STAB1: variants seen among roughly 807,000 people sequenced by gnomAD.
STAB1 encodes stabilin-1.
A neutral mutation model predicts 332.4 loss-of-function variants in STAB1; 250 were observed. That is an observed-to-expected ratio of 0.75 (90% CI 0.68 to 0.84). The LOEUF is 0.84. Ranked by LOEUF, STAB1 falls within the 40% of genes least tolerant of loss-of-function variation. The pLI is 0.00. For synonymous variants in STAB1, 1,475 were observed against 1,390.4 expected, an observed-to-expected ratio of 1.06 and a Z score of -1.35; for missense variants, 3,249 against 3,489.7, an observed-to-expected ratio of 0.93 and a Z score of 1.74.
rs1360948041 is a variant in STAB1, at chr3:52,504,993, G to A, written c.1378-10G>A. 1.2e-6 allele frequency: 2 copies of A among 1,613,678 alleles called. No homozygotes were observed. The highest frequency in any genetic ancestry group is 1.7e-6 in the Non-Finnish European group (2 of 1,179,922). On this transcript the variant is annotated splice_polypyrimidine_tract_variant and intron_variant, in intron 12 of 68. Coordinates refer to ENST00000321725, the MANE Select transcript of STAB1 (RefSeq NM_015136.3). Reference sequence around the variant, plus strand: ...TATGGGATCTGGCCAGACCTCTTGTGTCTCACCAGAAATACTCCTACAAGT... The same window carrying A: ...TATGGGATCTGGCCAGACCTCTTGTATCTCACCAGAAATACTCCTACAAGT...
Position 52,519,302 on chromosome 3 carries a change from C to T in STAB1, c.5073C>T (p.Ser1691=), listed in dbSNP as rs2078991234. 1 of 1,613,036 alleles carries T rather than the reference C, an allele frequency of 6.2e-7. No homozygotes were observed. The highest frequency in any genetic ancestry group is 8.5e-7 in the Non-Finnish European group (1 of 1,179,988). The part of the protein sequence containing the change: ...IYLNDFARVV[S]SDHEAVNGIL... ...TCAATGACTTCGCGCGCGTGGTGAG[C>T]AGCGACCATGAGGCCGTGAACGGCA... The change falls in exon 49 of 69, where the codon AGC becomes AGT. Residue 1691 remains serine, a synonymous_variant. Transcript: ENST00000321725.
rs1419185729 is a variant in STAB1, at chr3:52,501,146, C to T, written c.79-20C>T. On this transcript the variant is annotated intron_variant, in intron 1 of 68. Transcript: ENST00000321725. ...GGCGTGGGGTCCAGGCCCCTGACCACACCCTGCCTGTGGCCCCAGGTGCTG... is the reference window on the plus strand; with the variant it reads ...GGCGTGGGGTCCAGGCCCCTGACCATACCCTGCCTGTGGCCCCAGGTGCTG... The T allele has an allele frequency of 6.2e-7, 1 of 1,609,650 alleles. No individual in the cohort carries two copies. The highest frequency in any genetic ancestry group is 1.1e-5 in the South Asian group (1 of 90,954).
rs765108201 is a variant in STAB1 at position 52,523,260 on chromosome 3, C to CGACTTCCTG, written c.7071_7079dup (p.Phe2358_Asp2360dup). The CGACTTCCTG allele has an allele frequency of 1.2e-6, 2 of 1,613,336 alleles. No individual in the cohort carries two copies. The highest frequency in any genetic ancestry group is 2.2e-5 in the East Asian group (1 of 44,888). On this transcript the variant is annotated inframe_insertion, in exon 64 of 69. Coordinates refer to ENST00000321725, the MANE Select transcript of STAB1 (RefSeq NM_015136.3). ...ATGCCAATGCCACCCAGCGGGGTCT[C>CGACTTCCTG]GACTTCCTGGACTTCCTGGATGATG...
At chr3:52,518,901 T>TCCCGCCCCGCCCCGC (rs759365791) in intron 48 of STAB1, 32 bp downstream of exon 48, 147 of 1,018,790 alleles carry the variant, frequency 1.4e-4, no homozygotes, top group Admixed American at 5.0e-4. Flanking sequence ...CCCCGCTCCA[T>TCCCGCCCCGCCCCGC]CCCGCCCCGC....
intron 14 of STAB1, 40 bp downstream of exon 14, chr3:52,505,421 G>C: frequency 6.3e-7 from 1 of 1,589,576 alleles, no homozygotes; most frequent in Non-Finnish European, 8.6e-7. Flanking sequence ...GTGGGCTTCT[G>C]GGCTTCTGAG....
rs989930899 is a variant in STAB1 at position 52,523,632 on chromosome 3, T to C, written c.7291-20T>C. On this transcript the variant is annotated intron_variant, in intron 65 of 68. Coordinates refer to ENST00000321725, the MANE Select transcript of STAB1 (RefSeq NM_015136.3). The stretch of plus-strand genomic sequence containing the variant: ...CCCTGGCCCTCGCTCACAGTGGGCC[T>C]GACTCTGGTCTCCCTGCAGGCCCCA... 6.2e-7 allele frequency: 1 copy of C among 1,612,776 alleles called. No individual in the cohort carries two copies. The highest frequency in any genetic ancestry group is 1.3e-5 in the African/African-American group (1 of 74,938).
Position 52,504,482 on chromosome 3 carries a change from T to C in STAB1, c.1172T>C (p.Leu391Pro). Residue 391 changes from leucine (L) to proline (P), a missense_variant, in exon 11 of 69, where the codon CTT becomes CCT. Leu to Pro is a moderately conservative substitution (Grantham distance 98). Coordinates refer to ENST00000321725, the MANE Select transcript of STAB1 (RefSeq NM_015136.3). ...AMMDQGCREI[L>P]TTAGPFTVLV... ...CCAGACCAGGGCTGCCGGGAAATCC[T>C]TACCACAGCGGGCCCTTTCACCGTG... 6.2e-7 allele frequency: 1 copy of C among 1,614,032 alleles called. No homozygotes were observed. Among genetic ancestry groups the C allele is most frequent in the Non-Finnish European group, 8.5e-7 (1 of 1,180,004 alleles).
chr3:52,518,754 A>T lies in STAB1; in HGVS notation c.4919A>T (p.Gln1640Leu). ...DELARIRAHR[Q>L]LVFRYHVVGC... Reference sequence around the variant, plus strand: ...CTGGCCCGGATTCGTGCGCATCGCCAGCTGGTGTTTCGCTACCACGTGGTT... The same window carrying T: ...CTGGCCCGGATTCGTGCGCATCGCCTGCTGGTGTTTCGCTACCACGTGGTT... Residue 1640 changes from glutamine to leucine, a missense_variant, in exon 48 of 69, where the codon CAG becomes CTG. By Grantham distance (113) the Gln-to-Leu change is moderately radical (BLOSUM62 -2). Coordinates refer to ENST00000321725, the MANE Select transcript of STAB1 (RefSeq NM_015136.3). The T allele has an allele frequency of 6.2e-7, 1 of 1,612,540 alleles. No homozygotes were observed. Among genetic ancestry groups the T allele is most frequent in the South Asian group, 1.1e-5 (1 of 91,068 alleles).
chr3:52,517,578 G>C lies in STAB1; in HGVS notation c.4592G>C (p.Ser1531Thr), dbSNP rs1340090257. Residue 1531 changes from serine to threonine, a missense_variant, in exon 44 of 69, where the codon AGC (serine) becomes ACC (threonine). By Grantham distance (58) the Ser-to-Thr change is moderately conservative. Coordinates refer to ENST00000321725, the MANE Select transcript of STAB1 (RefSeq NM_015136.3). ...TCCTGCAGCTGCCGTGAGGGTTACA[G>C]CGGGGATGGCATCCGGACCTGCGAG... ...QVSCSCREGY[S>T]GDGIRTCELL... 6.2e-7 allele frequency: 1 copy of C among 1,612,866 alleles called. No individual in the cohort carries two copies. Among genetic ancestry groups the C allele is most frequent in the Non-Finnish European group, 8.5e-7 (1 of 1,179,932 alleles).
chr3:52,502,519 A>G, intron 5 of STAB1, 113 bp from the exon 6 acceptor site: 2 of 971,084 alleles, frequency 2.1e-6, no homozygotes, highest in Non-Finnish European at 3.1e-6. Context: ...CTGTACTCTT[A>G]AGGTTGTACC....
At chr3:52,517,752 C>G in intron 44 of STAB1, 128 bp downstream of exon 44, 5 of 1,561,934 alleles carry the variant, frequency 3.2e-6, no homozygotes, top group Non-Finnish European at 4.3e-6. Flanking sequence ...CCGTCAAGCT[C>G]GAGTTTAATC....
chr3:52,521,832 C>T lies in STAB1; in HGVS notation c.6164-12C>T, dbSNP rs369899777. On this transcript the variant is annotated splice_polypyrimidine_tract_variant and intron_variant, in intron 57 of 68. Transcript: ENST00000321725. ...ACTAACCTGGTTCTGGGGGCTGGGC[C>T]CTGGGGGACAGAGCTGCAGCCTGTG... The T allele has an allele frequency of 5.1e-4, 819 of 1,593,310 alleles. 1 individual carries two copies. The highest frequency in any genetic ancestry group is 6.6e-4 in the Non-Finnish European group (767 of 1,168,438).
In STAB1 at chr3:52,504,133, G is replaced by A; in HGVS notation, c.1128G>A (p.Leu376=). Residue 376 remains leucine (L), a synonymous_variant, in exon 10 of 69, where the codon CTG becomes CTA. Coordinates refer to ENST00000321725, the MANE Select transcript of STAB1 (RefSeq NM_015136.3). ...AGACAGGCCGGGTGTTCCTGCAGCTGAGGGTCGCCGTGGCCATGATGGGTG... is the reference window on the plus strand; with the variant it reads ...AGACAGGCCGGGTGTTCCTGCAGCTAAGGGTCGCCGTGGCCATGATGGGTG... ...ATQTGRVFLQ[L]RVAVAMMDQG... The A allele has an allele frequency of 1.3e-6, 2 of 1,589,828 alleles. No individual in the cohort carries two copies. Among genetic ancestry groups the A allele is most frequent in the Non-Finnish European group, 1.7e-6 (2 of 1,169,796 alleles).
rs1480429793 is a variant in STAB1 at position 52,512,962 on chromosome 3, G to A, written c.3158+4G>A. 1 of 1,606,488 alleles carries A rather than the reference G, an allele frequency of 6.2e-7. No individual in the cohort carries two copies. Among genetic ancestry groups the A allele is most frequent in the Non-Finnish European group, 8.5e-7 (1 of 1,176,210 alleles). On this transcript the variant is annotated splice_donor_region_variant and intron_variant, in intron 29 of 68. Transcript: ENST00000321725. The stretch of plus-strand genomic sequence containing the variant: ...GGACGCTGCCGAACCTGGTCAGGTG[G>A]GGCCGCCATTGCCAGGCTGTGGGAG...
Position 52,495,436 on chromosome 3 carries a change from T to A in STAB1, c.23T>A (p.Leu8His). 2.2e-6 allele frequency: 3 copies of A among 1,342,542 alleles called. No homozygotes were observed. Among genetic ancestry groups the A allele is most frequent in the Non-Finnish European group, 1.9e-6 (2 of 1,040,198 alleles). The allele number at this position is 1,342,542 out of a possible 1,614,324, so 83.2% of individuals were successfully genotyped here. Residue 8 changes from leucine (L) to histidine (H), a missense_variant, in exon 1 of 69, where the codon CTC becomes CAC. Coordinates refer to ENST00000321725, the MANE Select transcript of STAB1 (RefSeq NM_015136.3). The part of the protein sequence containing the change: MAGPRGL[L>H]PLCLLAFCLA... ...GCCATGGCGGGGCCCCGGGGCCTCC[T>A]CCCACTCTGCCTCCTGGCCTTCTGC...
intron 3 of STAB1, 64 bp from the exon 4 acceptor site, chr3:52,501,942 G>A (rs1708478646): frequency 1.9e-6 from 3 of 1,593,762 alleles, no homozygotes; most frequent in Admixed American, 1.7e-5. Context: ...GTTGGCCAGA[G>A]CTGCTGGGGT....
rs547781572 is a variant in STAB1, at chr3:52,501,790, AC to A, written c.331+40del. On this transcript the variant is annotated intron_variant, in intron 3 of 68. Coordinates refer to ENST00000321725, the MANE Select transcript of STAB1 (RefSeq NM_015136.3). ...AGGGGGACCCCGCCTTGCGCCTCCC[AC>A]CCAGCCCCAGCTCTGGGCAAGCCCT... 320 of 1,537,316 alleles carry A rather than the reference AC, an allele frequency of 2.1e-4. 1 individual carries two copies. The South Asian group carries it at 3.6e-3, about 17-fold the overall frequency.
Position 52,520,291 on chromosome 3 carries a change from G to GT in STAB1, c.5499+2dup. On this transcript the variant is annotated splice_donor_variant, in intron 52 of 68. Coordinates refer to ENST00000321725, the MANE Select transcript of STAB1 (RefSeq NM_015136.3). LOFTEE classifies it high-confidence loss of function. ...TTTCTCCTGCAGCCGAACGCGGGCC[G>GT]TGAGTCTGGGGAGAGGGCTTGGATG... 1 of 1,613,056 alleles carries GT rather than the reference G, an allele frequency of 6.2e-7. No homozygotes were observed. The highest frequency in any genetic ancestry group is 8.5e-7 in the Non-Finnish European group (1 of 1,180,020).
At position 52,505,761 on chromosome 3, in the gene STAB1, C is replaced by T; in HGVS notation, c.1675C>T (p.Leu559=). ...EAVDSLRDGR[L]IYLFTAGLSK... is the part of the protein sequence containing the mutation. ...TGTGGACAGCTTGCGTGACGGCCGC[C>T]TGATCTACCTCTTCACAGCGGTAAG... The change falls in exon 15 of 69, where the codon CTG becomes TTG. Residue 559 remains leucine, a synonymous_variant. Transcript: ENST00000321725. 3 of 1,613,892 alleles carry T rather than the reference C, an allele frequency of 1.9e-6. No homozygotes were observed. Among genetic ancestry groups the T allele is most frequent in the Non-Finnish European group, 2.5e-6 (3 of 1,180,044 alleles).
Sources: allele counts gnomAD v4.1 joint callset, GRCh38; gene constraint gnomAD v4.1.1; transcripts MANE v1.5; gene names NCBI Gene and HGNC (gene_info 2026-07-23, HGNC 2026-07-21).